POLR3H: variants seen among roughly 807,000 people sequenced by gnomAD.
POLR3H encodes DNA-directed RNA polymerase III subunit RPC8.
POLR3H carries 17 observed loss-of-function variants against 25.5 expected under a neutral mutation model. The ratio of observed to expected loss-of-function variants is 0.67; its 90% CI spans 0.46 to 1.00. The LOEUF (loss-of-function observed/expected upper bound fraction) is 1.00, where lower values mean the gene tolerates loss of function less well. POLR3H is among the 50% of genes least tolerant of loss of function. The pLI, the probability that POLR3H is intolerant of heterozygous loss-of-function variation, is 0.00. For missense variants in POLR3H, 274 were observed against 265.0 expected, an observed-to-expected ratio of 1.03 and a Z score of -0.24; for synonymous variants, 129 against 103.0, an observed-to-expected ratio of 1.25 and a Z score of -1.53.
Position 41,543,987 on chromosome 22 carries a change from G to C in POLR3H, c.111+4C>G. 1 of 1,609,004 alleles carries C rather than the reference G, an allele frequency of 6.2e-7. No individual in the cohort carries two copies. Among genetic ancestry groups the C allele is most frequent in the Non-Finnish European group, 8.5e-7 (1 of 1,175,464 alleles). On this transcript the variant is annotated splice_donor_region_variant and intron_variant, in intron 1 of 5. Transcript: ENST00000355209. The stretch of plus-strand genomic sequence containing the variant: ...GGCCTGCCCGCGAGCCGTGGGCCCA[G>C]TACCTTGTTGGCCAACTTCTTGTTC...
At position 41,528,339 on chromosome 22, in the gene POLR3H, C is replaced by T; in HGVS notation, c.*944G>A. 1 of 1,253,480 alleles carries T rather than the reference C, an allele frequency of 8.0e-7. No homozygotes were observed. The highest frequency in any genetic ancestry group is 1.1e-6 in the Non-Finnish European group (1 of 921,012). The allele number at this position is 1,253,480 out of a possible 1,614,324, so 77.6% of individuals were successfully genotyped here. On this transcript the variant is annotated 3_prime_UTR_variant, in exon 6 of 6. Transcript: ENST00000355209. ...GCCACCTGGGTCTGACCTGGGCCAT[C>T]AGGCACAGACTGGCCTAGGATTTGG...
rs975974475 is a variant in POLR3H at position 41,544,313 on chromosome 22, G to T, written c.-212C>A. 145 of 477,406 alleles carry T rather than the reference G, an allele frequency of 3.0e-4. No homozygotes were observed. The highest frequency in any genetic ancestry group is 2.8e-3 in the African/African-American group (140 of 49,532). 29.6% of individuals were successfully genotyped at this position (477,406 alleles called of 1,614,324 possible). A position where few individuals can be genotyped will look rare whatever the true frequency, so the allele number is the denominator to read the frequency against. On this transcript the variant is annotated 5_prime_UTR_variant, in exon 1 of 6. Transcript: ENST00000355209. ...CTGAGGCCAGAGGGAGGCACTCTCCGTCCACAGCTCCGGGTGCGCGCCCGC... is the reference window on the plus strand; with the variant it reads ...CTGAGGCCAGAGGGAGGCACTCTCCTTCCACAGCTCCGGGTGCGCGCCCGC...
intron 5 of POLR3H, among the ~76,000 whole-genome samples, chr22:41,529,922 A>AT (rs1289228964): frequency 2.0e-5 from 3 of 150,786 alleles, no homozygotes; most frequent in South Asian, 4.2e-4. Flanking sequence ...CACCCGGCTA[A>AT]TTTTTTGTAT....
In POLR3H at chr22:41,540,599, C is replaced by CT. The variant is rs762067030; in HGVS notation, c.208+99dup. 1.1e-5 allele frequency: 10 copies of CT among 897,156 alleles called. No individual in the cohort carries two copies. In the South Asian group the frequency reaches 1.3e-4, roughly 12 times the overall value. The allele number at this position is 897,156 out of a possible 1,614,324, so 55.6% of individuals were successfully genotyped here. A position where few individuals can be genotyped will look rare whatever the true frequency, so the allele number is the denominator to read the frequency against. On this transcript the variant is annotated intron_variant, in intron 2 of 5. Transcript: ENST00000355209. ...CTCAAGAGATCCTTCCGCCCTCAGC[C>CT]TTACAGGCACGCACCACTGAACCTG... is the stretch of plus-strand genomic sequence containing the variant.
chr22:41,530,615 G>A (rs979503578), intron 5 of POLR3H, 72 bp downstream of exon 5: 2 of 1,412,702 alleles, frequency 1.4e-6, no homozygotes, highest in South Asian at 1.3e-5. Context: ...AGAAGCCCCA[G>A]GACACAGCTT....
chr22:41,532,573 C>G (rs780690972), intron 3 of POLR3H, 86 bp downstream of exon 3: 3 of 1,606,904 alleles, frequency 1.9e-6, no homozygotes, highest in African/African-American at 2.7e-5. Context: ...GACACCTGAG[C>G]CCTCCCCTGA....
chr22:41,528,632 C>T lies in POLR3H; in HGVS notation c.*651G>A, dbSNP rs1344039602. 6.3e-7 allele frequency: 1 copy of T among 1,582,452 alleles called. No homozygotes were observed. The highest frequency in any genetic ancestry group is 8.6e-7 in the Non-Finnish European group (1 of 1,167,524). On this transcript the variant is annotated 3_prime_UTR_variant, in exon 6 of 6. Transcript: ENST00000355209. The stretch of plus-strand genomic sequence containing the variant: ...ACAGTGAGGGCAGTGCCTCCCCGCC[C>T]CGCCGCTGGCGTCAAGTTCAGCTCC...
intron 1 of POLR3H, among the ~76,000 whole-genome samples, chr22:41,541,452 C>G (rs1324150095): frequency 6.6e-6 from 1 of 152,336 alleles, no homozygotes; most frequent in East Asian, 1.9e-4. Flanking sequence ...GTGGTTCAAA[C>G]GACTGGCTAC....
intron 2 of POLR3H, among the ~76,000 whole-genome samples, chr22:41,535,060 T>C (rs1001942174): frequency 2.6e-5 from 4 of 152,298 alleles, no homozygotes; most frequent in South Asian, 2.1e-4. Flanking sequence ...TCCATTCCTA[T>C]AGTTCCTCCA....
At chr22:41,533,535 C>A in intron 2 of POLR3H, 12 of 1,243,462 alleles carry the variant, frequency 9.7e-6, no homozygotes, top group Non-Finnish European at 1.2e-5. Flanking sequence ...ACAGGGCCAC[C>A]GGGTCGAATC....
chr22:41,531,425 G>T (rs1476010489), intron 4 of POLR3H, among the ~76,000 whole-genome samples: 1 of 152,202 alleles, frequency 6.6e-6, no homozygotes, highest in Non-Finnish European at 1.5e-5. Context: ...CTGCCACCCA[G>T]CCAGGGCAGT....
Position 41,526,685 on chromosome 22 carries a change from A to G in POLR3H, c.*2598T>C, listed in dbSNP as rs1044716354. ...CTGCACCAGGAGGAGTTAGTGAGAG[A>G]TATCTTAGGATATCTGGCCCTAGAC... is the stretch of plus-strand genomic sequence containing the variant. On this transcript the variant is annotated 3_prime_UTR_variant, in exon 6 of 6. Transcript: ENST00000355209. 6.2e-6 allele frequency: 3 copies of G among 483,452 alleles called. No homozygotes were observed. The highest frequency in any genetic ancestry group is 7.4e-6 in the Non-Finnish European group (2 of 271,546). 29.9% of individuals were successfully genotyped at this position (483,452 alleles called of 1,614,324 possible).
At position 41,544,172 on chromosome 22, in the gene POLR3H, C is replaced by G; in HGVS notation, c.-71G>C. On this transcript the variant is annotated 5_prime_UTR_variant, in exon 1 of 6. Coordinates refer to ENST00000355209, the MANE Select transcript of POLR3H (RefSeq NM_001018050.4). ...ACCAGGGCCGGGGGCAGGGAGAATC[C>G]CCGAGCCCCTTGGTCCCGTCCCAGT... 1 of 957,556 alleles carries G rather than the reference C, an allele frequency of 1.0e-6. No individual in the cohort carries two copies. The highest frequency in any genetic ancestry group is 1.6e-6 in the Non-Finnish European group (1 of 617,572). The allele number at this position is 957,556 out of a possible 1,614,324, so 59.3% of individuals were successfully genotyped here. A position where few individuals can be genotyped will look rare whatever the true frequency, so the allele number is the denominator to read the frequency against.
At position 41,544,011 on chromosome 22, in the gene POLR3H, T is replaced by A. The variant is rs2066976364; in HGVS notation, c.91A>T (p.Asn31Tyr). 1.2e-6 allele frequency: 2 copies of A among 1,613,526 alleles called. No individual in the cohort carries two copies. Among genetic ancestry groups the A allele is most frequent in the South Asian group, 1.1e-5 (1 of 91,074 alleles). The change falls in exon 1 of 6, where the codon AAC (asparagine) becomes TAC (tyrosine). Residue 31 changes from asparagine to tyrosine, a missense_variant. Coordinates refer to ENST00000355209, the MANE Select transcript of POLR3H (RefSeq NM_001018050.4). ...KLNDSIAEELNKKLANKVVYN... is the reference protein window; with the variant it reads ...KLNDSIAEELYKKLANKVVYN... ...AGTACCTTGTTGGCCAACTTCTTGT[T>A]CAGCTCCTCGGCAATGGAGTCGTTG...
chr22:41,534,189 C>T (rs937150077), intron 2 of POLR3H, among the ~76,000 whole-genome samples: 3 of 152,090 alleles, frequency 2.0e-5, no homozygotes, highest in Non-Finnish European at 4.4e-5. Context: ...CAGGCCCAGT[C>T]TGGGCACTGG....
Position 41,528,619 on chromosome 22 carries a change from G to C in POLR3H, c.*664C>G. 6.4e-7 allele frequency: 1 copy of C among 1,558,268 alleles called. No individual in the cohort carries two copies. The highest frequency in any genetic ancestry group is 8.6e-7 in the Non-Finnish European group (1 of 1,156,440). On this transcript the variant is annotated 3_prime_UTR_variant, in exon 6 of 6. Transcript: ENST00000355209. ...TGAAGGAACTGCAACAGTGAGGGCAGTGCCTCCCCGCCCCGCCGCTGGCGT... is the reference window on the plus strand; with the variant it reads ...TGAAGGAACTGCAACAGTGAGGGCACTGCCTCCCCGCCCCGCCGCTGGCGT...
rs751880916 is a variant in POLR3H at position 41,527,262 on chromosome 22, T to A, written c.*2021A>T. 6.2e-7 allele frequency: 1 copy of A among 1,614,018 alleles called. No individual in the cohort carries two copies. Among genetic ancestry groups the A allele is most frequent in the Non-Finnish European group, 8.5e-7 (1 of 1,179,952 alleles). ...GAGGACGGTGCCCTCCTCTGCCTTA[T>A]AACCTTACCCCCGCTTGCCTGACAG... On this transcript the variant is annotated 3_prime_UTR_variant, in exon 6 of 6. Coordinates refer to ENST00000355209, the MANE Select transcript of POLR3H (RefSeq NM_001018050.4).
At chr22:41,535,875 A>C (rs2066832827) in intron 2 of POLR3H, among the ~76,000 whole-genome samples, 1 of 152,174 alleles carries the variant, frequency 6.6e-6, no homozygotes, top group South Asian at 2.1e-4. Context: ...CGGGAGGCTG[A>C]GGCAGAATTG....
chr22:41,540,809 A>G lies in POLR3H; in HGVS notation c.112-14T>C, dbSNP rs376996942. On this transcript the variant is annotated splice_polypyrimidine_tract_variant and intron_variant, in intron 1 of 5. Transcript: ENST00000355209. ...GTTGTACACGACCTGCATGCATACA[A>G]ACACAGACACACAAGTACACATGGA... 2 of 1,601,908 alleles carry G rather than the reference A, an allele frequency of 1.2e-6. No individual in the cohort carries two copies. Among genetic ancestry groups the G allele is most frequent in the Non-Finnish European group, 1.7e-6 (2 of 1,169,172 alleles).
Sources: allele counts gnomAD v4.1 joint callset (sites outside exome capture counted in the v4.1 genomes callset), GRCh38; gene constraint gnomAD v4.1.1; transcripts MANE v1.5; gene names NCBI Gene and HGNC (gene_info 2026-07-23, HGNC 2026-07-21).